AKAP7: variants seen among roughly 807,000 people sequenced by gnomAD.
AKAP7 encodes A-kinase anchoring protein 7, also known as A kinase (PRKA) anchor protein 7.
In AKAP7, 39 loss-of-function variants were observed where a neutral mutation model predicts 39.5. The observed-to-expected ratio is 0.99, with a 90% CI of 0.76 to 1.29. AKAP7 has a LOEUF of 1.29. Among genes scored for constraint, AKAP7 ranks in the 50% most tolerant of loss-of-function variants. AKAP7 has a pLI of 0.00. For missense variants in AKAP7, 414 were observed against 407.7 expected, an observed-to-expected ratio of 1.02 and a Z score of -0.13; for synonymous variants, 140 against 139.1, an observed-to-expected ratio of 1.01 and a Z score of -0.05.
At chr6:131,178,868 C>T (rs1804833211) in intron 5 of AKAP7, among the ~76,000 whole-genome samples, 1 of 152,178 alleles carries the variant, frequency 6.6e-6, no homozygotes, top group Non-Finnish European at 1.5e-5. Context: ...TGTTCTGGTC[C>T]ACTGCCTATA....
At chr6:131,224,351 T>C (rs1478760649) in intron 7 of AKAP7, among the ~76,000 whole-genome samples, 1 of 152,218 alleles carries the variant, frequency 6.6e-6, no homozygotes, top group African/African-American at 2.4e-5. Context: ...GATTTGATCC[T>C]AACTCAAATT....
chr6:131,254,951 A>T (rs1190193135), intron 7 of AKAP7, among the ~76,000 whole-genome samples: 2 of 152,152 alleles, frequency 1.3e-5, no homozygotes, highest in African/African-American at 2.4e-5. Context: ...TAATCCATAA[A>T]TTGAGGTATG....
At chr6:131,162,838 C>T (rs1229136162) in intron 3 of AKAP7, among the ~76,000 whole-genome samples, 1 of 152,190 alleles carries the variant, frequency 6.6e-6, no homozygotes, top group East Asian at 1.9e-4. Context: ...CTATCCCTTT[C>T]CTTGCCCCAT....
At chr6:131,163,188 A>G (rs1038068116) in intron 3 of AKAP7, among the ~76,000 whole-genome samples, 1 of 152,206 alleles carries the variant, frequency 6.6e-6, no homozygotes, top group East Asian at 1.9e-4. Context: ...GCAGGTTTCA[A>G]GTGACCTTGA....
chr6:131,199,059 G>T (rs549602955), intron 5 of AKAP7, among the ~76,000 whole-genome samples: 1 of 152,300 alleles, frequency 6.6e-6, no homozygotes, highest in East Asian at 1.9e-4. Flanking sequence ...CTCAGGGAAG[G>T]TTTCTGCTAC....
intron 7 of AKAP7, among the ~76,000 whole-genome samples, chr6:131,256,771 C>G (rs1408606651): frequency 6.7e-6 from 1 of 148,568 alleles, no homozygotes; most frequent in African/African-American, 2.4e-5. Flanking sequence ...AACTCCTGGC[C>G]TCAAGTGATC....
chr6:131,251,496 C>T (rs1305797499), intron 7 of AKAP7, among the ~76,000 whole-genome samples: 1 of 152,018 alleles, frequency 6.6e-6, no homozygotes, highest in Non-Finnish European at 1.5e-5. Context: ...ATATCTGGTT[C>T]AGATACTGAA....
At chr6:131,162,165 G>T (rs1176439033) in intron 3 of AKAP7, among the ~76,000 whole-genome samples, 1 of 152,170 alleles carries the variant, frequency 6.6e-6, no homozygotes, top group Non-Finnish European at 1.5e-5. Flanking sequence ...ATGGGATGAT[G>T]TGCTGATGGG....
At chr6:131,151,621 C>T (rs1801929204) in intron 2 of AKAP7, among the ~76,000 whole-genome samples, 1 of 151,982 alleles carries the variant, frequency 6.6e-6, no homozygotes, top group African/African-American at 2.4e-5. Context: ...TGGCATGTGC[C>T]TGTAATCCCA....
At chr6:131,153,533 AT>A (rs907047943) in intron 2 of AKAP7, among the ~76,000 whole-genome samples, 36 of 148,324 alleles carry the variant, frequency 2.4e-4, no homozygotes, top group East Asian at 5.9e-4. Context: ...AGAGATTATG[AT>A]TTTTTTTTTT....
At chr6:131,262,814 A>G (rs536152975) in intron 7 of AKAP7, among the ~76,000 whole-genome samples, 2 of 152,334 alleles carry the variant, frequency 1.3e-5, no homozygotes, top group South Asian at 2.1e-4. Context: ...TAGTATTTTT[A>G]TATTTTGCTA....
At chr6:131,141,296 C>T (rs958498610) in intron 1 of AKAP7, among the ~76,000 whole-genome samples, 2 of 152,058 alleles carry the variant, frequency 1.3e-5, no homozygotes, top group Admixed American at 1.3e-4. Flanking sequence ...AGAGAGGCTG[C>T]CACCTCCACC....
At chr6:131,210,313 A>G (rs1808530195) in intron 6 of AKAP7, among the ~76,000 whole-genome samples, 1 of 152,248 alleles carries the variant, frequency 6.6e-6, no homozygotes, top group African/African-American at 2.4e-5. Flanking sequence ...TACTCTAGTA[A>G]ATTAAAAGAC....
Position 131,135,781 on chromosome 6 carries a change from G to T in AKAP7, c.18G>T (p.Ala6=). 1 of 1,228,890 alleles carries T rather than the reference G, an allele frequency of 8.1e-7. No individual in the cohort carries two copies. Among genetic ancestry groups the T allele is most frequent in the Non-Finnish European group, 1.0e-6 (1 of 986,488 alleles). 76.1% of individuals were successfully genotyped at this position (1,228,890 alleles called of 1,614,324 possible). Residue 6 remains alanine (A), a splice_region_variant and synonymous_variant, in exon 1 of 8, where the codon GCG becomes GCT. Coordinates refer to ENST00000431975, the MANE Select transcript of AKAP7 (RefSeq NM_016377.4). ...CCGCGACCATGGAGCGCCCCGAAGC[G>T]GGTGAGACCGGGCTGTCCAGCGGGC... MERPE[A]GGINSNECEN... is the part of the protein sequence containing the mutation.
At chr6:131,197,002 A>G (rs1807002468) in intron 5 of AKAP7, among the ~76,000 whole-genome samples, 1 of 152,112 alleles carries the variant, frequency 6.6e-6, no homozygotes, top group Non-Finnish European at 1.5e-5. Flanking sequence ...CCCACATCCC[A>G]AAGTATTCTA....
intron 6 of AKAP7, among the ~76,000 whole-genome samples, chr6:131,207,429 C>T (rs1808213267): frequency 1.3e-5 from 2 of 150,136 alleles, no homozygotes; most frequent in South Asian, 4.2e-4. Context: ...AAATGATCCT[C>T]CTGCCTCAGC....
At chr6:131,268,895 ATTTC>A (rs542789194) in intron 7 of AKAP7, among the ~76,000 whole-genome samples, 69 of 152,158 alleles carry the variant, frequency 4.5e-4, no homozygotes, top group East Asian at 1.9e-3. Flanking sequence ...TCATTTTCTG[ATTTC>A]TTTGTTTTTC....
At chr6:131,269,540 A>G (rs1011971021) in intron 7 of AKAP7, among the ~76,000 whole-genome samples, 1 of 152,194 alleles carries the variant, frequency 6.6e-6, no homozygotes, top group African/African-American at 2.4e-5. Flanking sequence ...AACATATGAT[A>G]TGGAATAGCA....
chr6:131,167,493 C>T (rs936149974), intron 4 of AKAP7, among the ~76,000 whole-genome samples: 15 of 152,156 alleles, frequency 9.9e-5, no homozygotes, highest in Admixed American at 2.0e-4. Flanking sequence ...CCAGGAATAG[C>T]TGTTCTGTTA....
Sources: gnomAD v4.1 joint callset for allele counts (sites outside exome capture counted in the v4.1 genomes callset) on GRCh38, gnomAD v4.1.1 for gene constraint, MANE v1.5 for transcripts, NCBI Gene and HGNC (gene_info 2026-07-23, HGNC 2026-07-21) for gene names.